ROBO2: variants seen among roughly 807,000 people sequenced by gnomAD.
ROBO2 encodes roundabout homolog 2.
ROBO2 carries 53 observed loss-of-function variants against 160.8 expected under a neutral mutation model. The observed-to-expected ratio is 0.33, with a 90% confidence interval of 0.26 to 0.41. The LOEUF (loss-of-function observed/expected upper bound fraction) is 0.41. Among genes scored for constraint, ROBO2 ranks in the 10% least tolerant of loss-of-function variants. The pLI, the probability that ROBO2 is intolerant of heterozygous loss-of-function variation, is 1.00. For synonymous variants in ROBO2, 664 were observed against 611.7 expected (o/e 1.09, Z -1.26); for missense variants, 1,577 against 1,722.4 (o/e 0.92, Z 1.49).
chr3:76,102,132 C>T lies in ROBO2; in HGVS notation c.109+164530C>T, dbSNP rs182084329. 1.7e-3 allele frequency among the ~76,000 whole-genome samples: 256 copies of T among 152,218 alleles called. 2 individuals carry two copies. The highest frequency in any genetic ancestry group is 0.016 in the Admixed American group (249 of 15,282). On this transcript the variant is annotated intron_variant, in intron 2 of 26. Transcript: ENST00000487694. ...TGTAGTTCTTTTAAGTCTGGAGCTG[C>T]ATCGTTTAATGTAGGAAACACTACC...
intron 2 of ROBO2, among the ~76,000 whole-genome samples, chr3:76,732,665 G>T (rs1010234333): frequency 2.6e-5 from 4 of 152,118 alleles, no homozygotes; most frequent in Admixed American, 2.6e-4. Flanking sequence ...AAGAAAGAAA[G>T]AAAGGAACAC....
Position 76,009,107 on chromosome 3 carries a change from C to T in ROBO2, c.109+71505C>T, listed in dbSNP as rs116924312. ...TCACAGGAAGATCAGATTCTTTTCT[C>T]TTTTTTTGTTTTTGAGACTGAGTCT... On this transcript the variant is annotated intron_variant, in intron 2 of 26. Coordinates refer to the ROBO2 transcript ENST00000487694. Among the ~76,000 whole-genome samples, 97 of 151,992 alleles carry T rather than the reference C, an allele frequency of 6.4e-4. No individual in the cohort carries two copies. The East Asian group carries it at 0.016, about 26-fold the overall frequency.
intron 2 of ROBO2, among the ~76,000 whole-genome samples, chr3:76,089,123 C>A (rs947637193): frequency 7.9e-5 from 12 of 151,916 alleles, no homozygotes; most frequent in Non-Finnish European, 1.5e-4. Context: ...CACAATCTGT[C>A]AAATCTTACA....
intron 2 of ROBO2, among the ~76,000 whole-genome samples, chr3:76,592,821 A>G (rs1373155646): frequency 1.3e-5 from 2 of 152,054 alleles, no homozygotes; most frequent in Non-Finnish European, 2.9e-5. Context: ...TAGTTGCCAG[A>G]ACTCATTCCT....
At chr3:77,522,524 G>A (rs1432526302) in intron 5 of ROBO2, among the ~76,000 whole-genome samples, 3 of 151,152 alleles carry the variant, frequency 2.0e-5, no homozygotes, top group African/African-American at 4.8e-5. Flanking sequence ...GCCTTTGATA[G>A]TTGCGAAGTG....
intron 2 of ROBO2, among the ~76,000 whole-genome samples, chr3:77,465,211 G>A (rs2082647981): frequency 1.3e-5 from 2 of 152,162 alleles, no homozygotes; most frequent in East Asian, 3.8e-4. Context: ...GTGAATTTTA[G>A]TAATATGGCA....
intron 2 of ROBO2, among the ~76,000 whole-genome samples, chr3:76,215,198 C>A (rs1444753235): frequency 1.3e-5 from 2 of 152,076 alleles, no homozygotes; most frequent in African/African-American, 4.8e-5. Flanking sequence ...TAGATAAAGC[C>A]ACAAAGATGG....
chr3:76,788,048 T>TC (rs2063107623), intron 2 of ROBO2, among the ~76,000 whole-genome samples: 2 of 151,374 alleles, frequency 1.3e-5, no homozygotes, highest in Non-Finnish European at 3.0e-5. Context: ...ACAAGACTTT[T>TC]TTTTTTCTTA....
rs887736473 is a variant in ROBO2 at position 75,996,544 on chromosome 3, A to T, written c.109+58942A>T. Among the ~76,000 whole-genome samples, 13 of 152,216 alleles carry T rather than the reference A, an allele frequency of 8.5e-5. 1 individual carries two copies. The highest frequency in any genetic ancestry group is 3.1e-4 in the African/African-American group (13 of 41,462). Reference sequence around the variant, plus strand: ...TGAGAATTAACTAATAATAGACCTTAGTGACTAAGACATCCTCATACATCC... The same window carrying T: ...TGAGAATTAACTAATAATAGACCTTTGTGACTAAGACATCCTCATACATCC... On this transcript the variant is annotated intron_variant, in intron 2 of 26. Transcript: ENST00000487694.
chr3:77,648,867 T>A (rs1325938388), exon 26 of ROBO2: 1 of 152,176 alleles, frequency 6.6e-6, no homozygotes, highest in African/African-American at 2.4e-5. Context: ...GAGGCCTGCA[T>A]AAGGACTGCA....
chr3:77,405,090 C>A (rs987221893), intron 2 of ROBO2, among the ~76,000 whole-genome samples: 1 of 152,156 alleles, frequency 6.6e-6, no homozygotes, highest in Non-Finnish European at 1.5e-5. Flanking sequence ...TTACAAAACA[C>A]TTTTGGATCT....
chr3:76,951,150 A>G (rs2078931612), intron 2 of ROBO2, among the ~76,000 whole-genome samples: 1 of 152,214 alleles, frequency 6.6e-6, no homozygotes, highest in Non-Finnish European at 1.5e-5. Flanking sequence ...CTTTGTAAGT[A>G]TTCAGAAATT....
intron 2 of ROBO2, among the ~76,000 whole-genome samples, chr3:76,833,405 A>G (rs1295449965): frequency 6.6e-6 from 1 of 152,184 alleles, no homozygotes; most frequent in Non-Finnish European, 1.5e-5. Context: ...AAAGTGCAGC[A>G]TTTTGAGAGA....
At chr3:77,296,299 A>G (rs1191303142) in intron 2 of ROBO2, among the ~76,000 whole-genome samples, 4 of 152,120 alleles carry the variant, frequency 2.6e-5, no homozygotes, top group Non-Finnish European at 5.9e-5. Flanking sequence ...CCAGACATAA[A>G]GTAAAATTGA....
intron 1 of ROBO2, among the ~76,000 whole-genome samples, chr3:77,062,305 T>G (rs994623187): frequency 3.9e-5 from 6 of 152,172 alleles, no homozygotes; most frequent in Non-Finnish European, 8.8e-5. Flanking sequence ...CCAGAGGTGT[T>G]TAAACCCAAT....
At chr3:76,543,982 C>T (rs169055) in intron 2 of ROBO2, among the ~76,000 whole-genome samples, 6,619 of 151,980 alleles carry the variant, frequency 0.044, 497 homozygotes, top group African/African-American at 0.15. Context: ...AATACATGCT[C>T]TTCATTTTCT....
intron 2 of ROBO2, among the ~76,000 whole-genome samples, chr3:76,995,749 CT>C (rs1300916749): frequency 6.6e-6 from 1 of 152,140 alleles, no homozygotes; most frequent in African/African-American, 2.4e-5. Context: ...TAAATGTCTT[CT>C]TTTGAGAAGT....
At chr3:76,778,409 G>T (rs1452640541) in intron 2 of ROBO2, among the ~76,000 whole-genome samples, 3 of 151,088 alleles carry the variant, frequency 2.0e-5, no homozygotes, top group Non-Finnish European at 1.5e-5. Flanking sequence ...TAAATTCTAA[G>T]TGTGAGATTC....
upstream of ROBO2, among the ~76,000 whole-genome samples, chr3:77,038,788 C>T (rs952394993): frequency 6.6e-6 from 1 of 152,188 alleles, no homozygotes; most frequent in Non-Finnish European, 1.5e-5. Context: ...TGAATGGCAT[C>T]CTTTGGTAGT....
Sources: allele counts gnomAD v4.1 joint callset (sites outside exome capture counted in the v4.1 genomes callset), GRCh38; gene constraint gnomAD v4.1.1; transcripts MANE v1.5; gene names NCBI Gene and HGNC (gene_info 2026-07-23, HGNC 2026-07-21).